The following MYO1H variants were observed in gnomAD, a reference collection of about 807,000 sequenced individuals.
MYO1H encodes myosin IH.
Under a neutral mutation model 149.3 loss-of-function variants are expected in MYO1H, and 118 were observed. The ratio of observed to expected loss-of-function variants is 0.79; its 90% CI spans 0.68 to 0.92. The LOEUF (loss-of-function observed/expected upper bound fraction) is 0.92. Ranked by LOEUF, MYO1H falls within the 40% of genes least tolerant of loss-of-function variation. The probability of loss-of-function intolerance (pLI) is 0.00; values close to 1 mark genes in which losing one functional copy is unlikely to be tolerated. For missense variants in MYO1H, 1,212 were observed against 1,280.7 expected (o/e 0.95, Z 0.82); for synonymous variants, 447 against 465.2 (o/e 0.96, Z 0.50).
At chr12:109,380,450 A>G (rs865937107) in intron 1 of MYO1H, among the ~76,000 whole-genome samples, 1 of 152,244 alleles carries the variant, frequency 6.6e-6, no homozygotes, top group Admixed American at 6.5e-5. Context: ...AAACACAGTA[A>G]TGTGTCTCTA....
intron 14 of MYO1H, among the ~76,000 whole-genome samples, chr12:109,412,980 GTTATTA>G (rs530139106): frequency 3.5e-5 from 5 of 144,470 alleles, no homozygotes; most frequent in African/African-American, 1.1e-4. Flanking sequence ...TGTTGTTGTT[GTTATTA>G]TTATTATTTG....
At chr12:109,378,533 A>T (rs1446494742) in intron 1 of MYO1H, among the ~76,000 whole-genome samples, 1 of 151,988 alleles carries the variant, frequency 6.6e-6, no homozygotes, top group African/African-American at 2.4e-5. Context: ...TGTGCTACCC[A>T]GGCTAGTCTC....
rs540504805 is a variant in MYO1H at position 109,371,135 on chromosome 12, G to A, written c.13-17548G>A. Among the ~76,000 whole-genome samples the A allele has an allele frequency of 9.9e-5, 15 of 152,036 alleles. No individual in the cohort carries two copies. The South Asian group carries it at 1.9e-3, about 19-fold the overall frequency. On this transcript the variant is annotated intron_variant, in intron 1 of 31. Coordinates refer to ENST00000310903, the Ensembl canonical transcript of MYO1H. ...AGCAACTACGGTTTTCAATTCCTTG[G>A]GCATGCTTTTAGGGAGATGTTGTGA...
chr12:109,357,506 G>A (rs373371601), intron 1 of MYO1H, among the ~76,000 whole-genome samples: 17 of 152,314 alleles, frequency 1.1e-4, no homozygotes, highest in African/African-American at 4.1e-4. Flanking sequence ...CAGATAGTAA[G>A]TATCTTAGGC....
chr12:109,332,878 C>T, the MYO1H span, among the ~76,000 whole-genome samples: 1 of 152,304 alleles, frequency 6.6e-6, no homozygotes, highest in Non-Finnish European at 1.5e-5. Context: ...CCACCGTGCC[C>T]AGCCTGGTGC....
chr12:109,412,164 T>C (rs77411304), intron 14 of MYO1H, among the ~76,000 whole-genome samples, 179 bp downstream of exon 14: 3,785 of 152,218 alleles, frequency 0.025, 161 homozygotes, highest in African/African-American at 0.086. Context: ...AAATGAATTA[T>C]AATTTTTTTT....
chr12:109,323,085 C>T, the MYO1H span, among the ~76,000 whole-genome samples: 9 of 152,154 alleles, frequency 5.9e-5, no homozygotes, highest in South Asian at 2.1e-4. Context: ...CCAACCTGGG[C>T]GACAGAGTGA....
At chr12:109,384,398 C>T (rs1869263033) in intron 1 of MYO1H, among the ~76,000 whole-genome samples, 1 of 152,158 alleles carries the variant, frequency 6.6e-6, no homozygotes, top group Non-Finnish European at 1.5e-5. Flanking sequence ...TCTTTAATTT[C>T]CTCCCTCTTA....
chr12:109,420,305 G>A (rs182937123), intron 15 of MYO1H, among the ~76,000 whole-genome samples: 132 of 149,316 alleles, frequency 8.8e-4, no homozygotes, highest in African/African-American at 3.3e-3. Context: ...CCCGCCCCCC[G>A]GAGGGATATG....
intron 2 of MYO1H, 122 bp from the exon 3 acceptor site, chr12:109,393,209 A>G: frequency 1.5e-6 from 1 of 664,750 alleles, no homozygotes; most frequent in Non-Finnish European, 2.7e-6. Flanking sequence ...AGCTCCCAGC[A>G]GAGACCCCGC....
At position 109,436,578 on chromosome 12, in the gene MYO1H, A is replaced by G. The variant is rs1367847340; in HGVS notation, c.2209+22A>G. On this transcript the variant is annotated intron_variant, in intron 22 of 31. Transcript: ENST00000310903. ...GCAGGTAAGAATTAAATAGAAACAA[A>G]TAAGTTTGCTCCCTTTCTCATCTGC... is the stretch of plus-strand genomic sequence containing the variant. 3.2e-6 allele frequency: 5 copies of G among 1,555,764 alleles called. 1 individual carries two copies. The South Asian group carries it at 5.8e-5, about 18-fold the overall frequency.
intron 1 of MYO1H, among the ~76,000 whole-genome samples, chr12:109,353,805 C>G (rs1042592107): frequency 3.9e-5 from 6 of 152,204 alleles, no homozygotes; most frequent in Admixed American, 2.6e-4. Context: ...GCACCCACCA[C>G]CACACTTGGC....
chr12:109,404,597 T>C (rs889721857), intron 7 of MYO1H, among the ~76,000 whole-genome samples: 3 of 152,216 alleles, frequency 2.0e-5, no homozygotes, highest in African/African-American at 7.2e-5. Context: ...TGGGCAAACT[T>C]ATACTAAAAA....
intron 5 of MYO1H, among the ~76,000 whole-genome samples, chr12:109,398,377 C>T (rs1870008776): frequency 6.6e-6 from 1 of 152,202 alleles, no homozygotes; most frequent in Non-Finnish European, 1.5e-5. Context: ...TGAACCACAG[C>T]TACACCTCAT....
intron 1 of MYO1H, chr12:109,354,459 AAATACAAAAGATTAGCT>A (rs1460006415): frequency 1.3e-5 from 2 of 152,050 alleles, no homozygotes; most frequent in African/African-American, 2.4e-5. Context: ...AGAAAAGAAA[AAATACAAAAGATTAGCT>A]GAGTGTGGTG....
exon 23 of MYO1H, chr12:109,438,604 G>A (rs758689153): frequency 4.2e-5 from 68 of 1,611,936 alleles, no homozygotes; most frequent in Admixed American, 2.7e-4. Flanking sequence ...AAAGTGGGCC[G>A]TGCGGATTAT....
intron 1 of MYO1H, among the ~76,000 whole-genome samples, chr12:109,359,804 T>A (rs1297866719): frequency 1.3e-5 from 2 of 152,216 alleles, no homozygotes; most frequent in East Asian, 1.9e-4. Flanking sequence ...AGCGTTTCCA[T>A]CCCAAATGGG....
chr12:109,312,768 T>G, the MYO1H span, among the ~76,000 whole-genome samples: 1 of 141,768 alleles, frequency 7.1e-6, no homozygotes, highest in Non-Finnish European at 1.5e-5. Context: ...AGGTTTTTTT[T>G]GTTTGTTTTT....
At chr12:109,430,479 C>T (rs957630304) in intron 19 of MYO1H, among the ~76,000 whole-genome samples, 5 of 152,144 alleles carry the variant, frequency 3.3e-5, no homozygotes, top group African/African-American at 1.2e-4. Flanking sequence ...TGAGGCTGTG[C>T]TGTGTCCCCT....
Sources: allele counts gnomAD v4.1 joint callset (sites outside exome capture counted in the v4.1 genomes callset), GRCh38; gene constraint gnomAD v4.1.1; transcripts MANE v1.5; gene names NCBI Gene and HGNC (gene_info 2026-07-23, HGNC 2026-07-21).